Variants in IGF2BP2 observed in about 807,000 individuals in gnomAD.
The protein encoded by IGF2BP2 is insulin-like growth factor 2 mRNA-binding protein 2.
IGF2BP2 carries 17 observed loss-of-function variants against 75.8 expected under a neutral mutation model. The ratio of observed to expected loss-of-function variants is 0.22; its 90% CI spans 0.15 to 0.34. IGF2BP2 has a LOEUF of 0.34. Ranked by LOEUF, IGF2BP2 falls within the 10% of genes least tolerant of loss-of-function variation. IGF2BP2 has a pLI of 1.00. For missense variants in IGF2BP2, 516 were observed against 772.4 expected (o/e 0.67, Z 3.93); for synonymous variants, 288 against 295.6 (o/e 0.97, Z 0.26).
intron 2 of IGF2BP2, among the ~76,000 whole-genome samples, chr3:185,769,049 AG>A (rs1733501622): frequency 6.6e-6 from 1 of 151,974 alleles, no homozygotes; most frequent in South Asian, 2.1e-4. Flanking sequence ...AACAAAAAAA[AG>A]GTTGAACCTG....
intron 7 of IGF2BP2, among the ~76,000 whole-genome samples, chr3:185,685,080 G>A (rs1171886795): frequency 1.3e-5 from 2 of 152,144 alleles, no homozygotes; most frequent in Non-Finnish European, 2.9e-5. Context: ...GGGCGCAGTG[G>A]CTCACACCTG....
In IGF2BP2 at chr3:185,643,968, T is replaced by C. The variant is rs1713085743; in HGVS notation, c.*1563A>G. 2 of 152,128 alleles carry C rather than the reference T, an allele frequency of 1.3e-5. No individual in the cohort carries two copies. The highest frequency in any genetic ancestry group is 2.9e-5 in the Non-Finnish European group (2 of 67,928). 9.4% of individuals were successfully genotyped at this position (152,128 alleles called of 1,614,324 possible). ...AATATTCTCTCTCTCTGTTTTTCTT[T>C]GTCATCTTTTTTTTTTTTAAATAAA... On this transcript the variant is annotated 3_prime_UTR_variant, in exon 16 of 16. Transcript: ENST00000382199.
At position 185,787,029 on chromosome 3, in the gene IGF2BP2, C is replaced by T. The variant is rs143762898; in HGVS notation, c.239+36124G>A. Among the ~76,000 whole-genome samples, 771 of 152,308 alleles carry T rather than the reference C, an allele frequency of 5.1e-3. 2 individuals carry two copies. The highest frequency in any genetic ancestry group is 0.02 in the Middle Eastern group (6 of 294). On this transcript the variant is annotated intron_variant, in intron 2 of 15. Coordinates refer to ENST00000382199, the MANE Select transcript of IGF2BP2 (RefSeq NM_006548.6). Reference sequence around the variant, plus strand: ...CCAAATCTGTCCTGTGGGCTGGAGTCTGCTGACTCCTGATCCAGAGGAATA... The same window carrying T: ...CCAAATCTGTCCTGTGGGCTGGAGTTTGCTGACTCCTGATCCAGAGGAATA...
chr3:185,673,636 T>C (rs771319971), intron 9 of IGF2BP2, among the ~76,000 whole-genome samples: 6 of 152,218 alleles, frequency 3.9e-5, no homozygotes, highest in Non-Finnish European at 5.9e-5. Flanking sequence ...CATCTTTGTC[T>C]CCCTGAACAT....
At chr3:185,772,097 T>G (rs1190586414) in intron 2 of IGF2BP2, among the ~76,000 whole-genome samples, 1 of 152,182 alleles carries the variant, frequency 6.6e-6, no homozygotes, top group Non-Finnish European at 1.5e-5. Flanking sequence ...TTTTATGTAT[T>G]TATTTGGTTT....
chr3:185,667,709 T>G (rs1717865774), intron 10 of IGF2BP2, among the ~76,000 whole-genome samples: 1 of 152,232 alleles, frequency 6.6e-6, no homozygotes, highest in South Asian at 2.1e-4. Flanking sequence ...GAGAATTTAC[T>G]TACAGATATA....
At chr3:185,756,685 A>T (rs1657436804) in intron 2 of IGF2BP2, among the ~76,000 whole-genome samples, 1 of 152,202 alleles carries the variant, frequency 6.6e-6, no homozygotes, top group Non-Finnish European at 1.5e-5. Context: ...TCAGAAACTC[A>T]GGAGGTGGCC....
At chr3:185,668,107 C>T (rs1252120857) in intron 10 of IGF2BP2, among the ~76,000 whole-genome samples, 1 of 152,034 alleles carries the variant, frequency 6.6e-6, no homozygotes, top group Non-Finnish European at 1.5e-5. Flanking sequence ...TCAAGATATG[C>T]CTGTAAAGAT....
intron 2 of IGF2BP2, among the ~76,000 whole-genome samples, chr3:185,809,860 A>G (rs1560506635): frequency 6.6e-6 from 1 of 152,200 alleles, no homozygotes; most frequent in Admixed American, 6.5e-5. Context: ...AGCCATTTCC[A>G]CTATTCAAGG....
intron 2 of IGF2BP2, among the ~76,000 whole-genome samples, chr3:185,781,509 G>A (rs1735194614): frequency 6.6e-6 from 1 of 152,164 alleles, no homozygotes; most frequent in Non-Finnish European, 1.5e-5. Flanking sequence ...GGCGTTAACA[G>A]GGTTAAAAGG....
At position 185,766,955 on chromosome 3, in the gene IGF2BP2, C is replaced by T. The variant is rs150562135; in HGVS notation, c.239+56198G>A. Among the ~76,000 whole-genome samples the T allele has an allele frequency of 4.8e-3, 728 of 152,256 alleles. 2 individuals are homozygous for T. Among genetic ancestry groups the T allele is most frequent in the African/African-American group, 0.017 (702 of 41,522 alleles). On this transcript the variant is annotated intron_variant, in intron 2 of 15. Coordinates refer to ENST00000382199, the MANE Select transcript of IGF2BP2 (RefSeq NM_006548.6). ...TTGGATGCCTGCTAATTGTAGCTGC[C>T]GTCTTTTAGACATTCTCTCCACATT...
intron 2 of IGF2BP2, among the ~76,000 whole-genome samples, chr3:185,730,944 T>G (rs552485078): frequency 6.6e-6 from 1 of 152,336 alleles, no homozygotes; most frequent in Admixed American, 6.5e-5. Flanking sequence ...AATACCTCAA[T>G]GTGGTTTTAA....
intron 2 of IGF2BP2, among the ~76,000 whole-genome samples, chr3:185,729,270 T>C (rs1727805838): frequency 6.6e-6 from 1 of 152,164 alleles, no homozygotes; most frequent in African/African-American, 2.4e-5. Context: ...AAATGGCCAC[T>C]TTCTTCCTGG....
At chr3:185,692,135 T>C (rs765292902) in intron 5 of IGF2BP2, among the ~76,000 whole-genome samples, 3 of 152,122 alleles carry the variant, frequency 2.0e-5, no homozygotes, top group Non-Finnish European at 2.9e-5. Context: ...AGGATGGGGA[T>C]TGGAGAAAAG....
chr3:185,699,543 T>C (rs1313812820), intron 2 of IGF2BP2, among the ~76,000 whole-genome samples: 4 of 152,228 alleles, frequency 2.6e-5, no homozygotes, highest in Non-Finnish European at 5.9e-5. Context: ...ACCCCCTCTT[T>C]CACCAGAAAT....
intron 2 of IGF2BP2, among the ~76,000 whole-genome samples, chr3:185,757,459 CTTTTTTT>C (rs57417087): frequency 2.0e-5 from 2 of 99,610 alleles, no homozygotes; most frequent in African/African-American, 4.1e-5. Flanking sequence ...ATATCTCATA[CTTTTTTT>C]TTTTTTTTTT....
intron 2 of IGF2BP2, among the ~76,000 whole-genome samples, chr3:185,739,833 C>A (rs1729303453): frequency 7.0e-6 from 1 of 143,102 alleles, no homozygotes; most frequent in Non-Finnish European, 1.5e-5. Flanking sequence ...AAATTATGTC[C>A]TTTTTTTCCC....
chr3:185,659,642 A>G (rs1324184577), intron 10 of IGF2BP2, among the ~76,000 whole-genome samples: 2 of 151,290 alleles, frequency 1.3e-5, no homozygotes, highest in Non-Finnish European at 2.9e-5. Flanking sequence ...TCCCAAAGTG[A>G]TATGATTATA....
At chr3:185,658,532 G>GA in intron 10 of IGF2BP2, 123 bp from the exon 11 acceptor site, 1 of 730,270 alleles carries the variant, frequency 1.4e-6, no homozygotes, top group Admixed American at 2.5e-5. Context: ...CCACTGTCGT[G>GA]TCTACACGCC....
Sources: allele counts gnomAD v4.1 joint callset (sites outside exome capture counted in the v4.1 genomes callset), GRCh38; gene constraint gnomAD v4.1.1; transcripts MANE v1.5; gene names NCBI Gene and HGNC (gene_info 2026-07-23, HGNC 2026-07-21).